ARSB: variants seen among roughly 807,000 people sequenced by gnomAD.
The protein encoded by ARSB is N-acetylgalactosamine-4-sulfatase.
ARSB carries 41 observed loss-of-function variants against 50.9 expected under a neutral mutation model. The observed-to-expected ratio is 0.81, with a 90% CI of 0.63 to 1.04. The LOEUF (loss-of-function observed/expected upper bound fraction) is 1.04, where lower values mean the gene tolerates loss of function less well. ARSB is among the 50% of genes least tolerant of loss of function. The pLI is 0.00. For synonymous variants in ARSB, 269 were observed against 284.8 expected (o/e 0.94, Z 0.56); for missense variants, 672 against 693.3 (o/e 0.97, Z 0.35).
intron 6 of ARSB, among the ~76,000 whole-genome samples, chr5:78,805,636 G>C (rs1248025658): frequency 6.6e-6 from 1 of 152,172 alleles, no homozygotes; most frequent in Non-Finnish European, 1.5e-5. Flanking sequence ...AGAAAAACAA[G>C]CAGGAAAGAG....
intron 4 of ARSB, among the ~76,000 whole-genome samples, chr5:78,915,437 C>T (rs1749505418): frequency 2.0e-5 from 3 of 152,174 alleles, no homozygotes; most frequent in Admixed American, 6.5e-5. Flanking sequence ...TAATGTCAGT[C>T]GAAGGCAAGC....
chr5:78,968,312 T>C (rs1025258062), intron 2 of ARSB, among the ~76,000 whole-genome samples: 1 of 139,042 alleles, frequency 7.2e-6, no homozygotes, highest in Non-Finnish European at 1.5e-5. Context: ...ATTCATTTTT[T>C]ATTTTATTAT....
chr5:78,816,127 C>T (rs776891625), intron 6 of ARSB: 4 of 1,613,986 alleles, frequency 2.5e-6, no homozygotes, highest in Non-Finnish European at 3.4e-6. Flanking sequence ...GTAAAACACA[C>T]AAAATGACTT....
At chr5:78,821,380 C>A (rs1240967775) in intron 6 of ARSB, among the ~76,000 whole-genome samples, 1 of 152,174 alleles carries the variant, frequency 6.6e-6, no homozygotes, top group Middle Eastern at 3.2e-3. Flanking sequence ...TCAGATGATC[C>A]ACCCACCTCA....
intron 4 of ARSB, among the ~76,000 whole-genome samples, chr5:78,895,376 T>C (rs960675228): frequency 2.6e-5 from 4 of 152,176 alleles, no homozygotes; most frequent in African/African-American, 9.7e-5. Flanking sequence ...GAAAGATGCA[T>C]ACTACAATAA....
At chr5:78,800,336 AAGCAGCAGC>A (rs57239906) in intron 6 of ARSB, among the ~76,000 whole-genome samples, 1 of 143,778 alleles carries the variant, frequency 7.0e-6, no homozygotes, top group African/African-American at 2.7e-5. Context: ...AAAAAAAAAA[AAGCAGCAGC>A]AGCAGCAGCA....
intron 6 of ARSB, among the ~76,000 whole-genome samples, chr5:78,832,193 G>A (rs1268649896): frequency 6.6e-6 from 1 of 152,170 alleles, no homozygotes; most frequent in Non-Finnish European, 1.5e-5. Context: ...AGGGCTTCAC[G>A]GAGGAGTAGG....
intron 4 of ARSB, among the ~76,000 whole-genome samples, chr5:78,916,112 T>C (rs1749533999): frequency 6.6e-6 from 1 of 152,204 alleles, no homozygotes; most frequent in African/African-American, 2.4e-5. Flanking sequence ...ATGACTTCCA[T>C]AAAATCCAAA....
At chr5:78,816,823 C>T (rs1744009408) in intron 6 of ARSB, among the ~76,000 whole-genome samples, 1 of 152,166 alleles carries the variant, frequency 6.6e-6, no homozygotes, top group Non-Finnish European at 1.5e-5. Flanking sequence ...AGTCCTACAA[C>T]CACAGCAACT....
rs372881175 is a variant in ARSB at position 78,896,566 on chromosome 5, T to A, written c.899-10739A>T. 1.2e-4 allele frequency among the ~76,000 whole-genome samples: 18 copies of A among 152,374 alleles called. No individual in the cohort carries two copies. In the East Asian group the frequency reaches 1.5e-3, roughly 13 times the overall value. ...CATATGTGTGAGCACTATGGCTGGA[T>A]GTCCTAGACTTGATGGATATAATAA... On this transcript the variant is annotated intron_variant, in intron 4 of 7. Transcript: ENST00000264914.
rs1748848528 is a variant in ARSB, at chr5:78,779,028, A to C, written c.*1369T>G. 6.6e-6 allele frequency: 1 copy of C among 152,172 alleles called. No individual in the cohort carries two copies. Among genetic ancestry groups the C allele is most frequent in the Non-Finnish European group, 1.5e-5 (1 of 68,034 alleles). The allele number at this position is 152,172 out of a possible 1,614,324, so 9.4% of individuals were successfully genotyped here. The stretch of plus-strand genomic sequence containing the variant: ...TGAGATCGTCTCATAAAGATATAAA[A>C]AATTAAAAATAAAATAAAAATTAAA... On this transcript the variant is annotated 3_prime_UTR_variant, in exon 8 of 8. Transcript: ENST00000264914.
chr5:78,846,836 G>A (rs1204067198), intron 5 of ARSB, among the ~76,000 whole-genome samples: 1 of 152,148 alleles, frequency 6.6e-6, no homozygotes, highest in Non-Finnish European at 1.5e-5. Context: ...TCAGATGTTA[G>A]GGGAAAGGCT....
rs149096068 is a variant in ARSB, at chr5:78,916,778, G to A, written c.899-30951C>T. ...GGAGGTTGTTATTCATTCTTGGGGG[G>A]ATCTTTTTGGCCTGTTTCTACCAGT... is the stretch of plus-strand genomic sequence containing the variant. On this transcript the variant is annotated intron_variant, in intron 4 of 7. Transcript: ENST00000264914. Among the ~76,000 whole-genome samples, 177 of 152,228 alleles carry A rather than the reference G, an allele frequency of 1.2e-3. 3 individuals carry two copies. Among genetic ancestry groups the A allele is most frequent in the African/African-American group, 4.1e-3 (169 of 41,558 alleles).
At chr5:78,893,434 T>C (rs1201815572) in intron 4 of ARSB, among the ~76,000 whole-genome samples, 1 of 150,510 alleles carries the variant, frequency 6.6e-6, no homozygotes, top group African/African-American at 2.5e-5. Flanking sequence ...TAAAAGTTTG[T>C]AGTAAAATAT....
At chr5:78,834,607 G>GTGTGTGTATA (rs1185355030) in intron 6 of ARSB, among the ~76,000 whole-genome samples, 7 of 85,602 alleles carry the variant, frequency 8.2e-5, no homozygotes, top group East Asian at 4.1e-4. Flanking sequence ...ATATATATGT[G>GTGTGTGTATA]TATATATATA....
chr5:78,897,937 C>T (rs1231519272), intron 4 of ARSB, among the ~76,000 whole-genome samples: 2 of 151,748 alleles, frequency 1.3e-5, no homozygotes, highest in African/African-American at 4.8e-5. Context: ...ACGTACATGC[C>T]CTATACCCAT....
intron 5 of ARSB, among the ~76,000 whole-genome samples, chr5:78,863,308 G>A (rs564662205): frequency 6.1e-4 from 92 of 151,980 alleles, no homozygotes; most frequent in African/African-American, 2.1e-3. Context: ...ACATGCACAC[G>A]TATGTTTATT....
At chr5:78,944,384 CTG>C (rs1016693575) in intron 4 of ARSB, among the ~76,000 whole-genome samples, 1 of 152,200 alleles carries the variant, frequency 6.6e-6, no homozygotes, top group African/African-American at 2.4e-5. Flanking sequence ...TTTTTCTGCT[CTG>C]TTTTTTCCCC....
rs534932217 is a variant in ARSB at position 78,827,947 on chromosome 5, T to C, written c.1213+11409A>G. 9.2e-5 allele frequency among the ~76,000 whole-genome samples: 14 copies of C among 152,216 alleles called. No homozygotes were observed. The South Asian group carries it at 2.5e-3, about 27-fold the overall frequency. ...AGCATCTATATAACCACCTGTGGAA[T>C]TAGCAGATTTTTCTTTATTTTGGGA... On this transcript the variant is annotated intron_variant, in intron 6 of 7. Transcript: ENST00000264914.
Sources: gnomAD v4.1 joint callset for allele counts (sites outside exome capture counted in the v4.1 genomes callset) on GRCh38, gnomAD v4.1.1 for gene constraint, MANE v1.5 for transcripts, NCBI Gene and HGNC (gene_info 2026-07-23, HGNC 2026-07-21) for gene names.